Variants in DPP10 observed in about 807,000 individuals in gnomAD.
DPP10 encodes the protein dipeptidyl peptidase like 10.
DPP10 carries 33 observed loss-of-function variants against 120.9 expected under a neutral mutation model. The observed-to-expected ratio is 0.27, with a 90% CI of 0.21 to 0.37. The LOEUF (loss-of-function observed/expected upper bound fraction) is 0.37, where lower values mean the gene tolerates loss of function less well. DPP10 is among the 10% of genes least tolerant of loss of function. DPP10 has a pLI of 1.00. For missense variants in DPP10, 816 were observed against 942.8 expected, an observed-to-expected ratio of 0.87 and a Z score of 1.76; for synonymous variants, 337 against 326.1, an observed-to-expected ratio of 1.03 and a Z score of -0.36.
intron 1 of DPP10, among the ~76,000 whole-genome samples, chr2:114,859,137 G>T (rs1353397051): frequency 6.6e-6 from 1 of 151,592 alleles, no homozygotes; most frequent in Non-Finnish European, 1.5e-5. Flanking sequence ...GACCAGCCTG[G>T]CCAAGATAGC....
chr2:114,807,744 T>C (rs1684854249), intron 1 of DPP10, among the ~76,000 whole-genome samples: 1 of 152,196 alleles, frequency 6.6e-6, no homozygotes, highest in Non-Finnish European at 1.5e-5. Flanking sequence ...CACTCCTAAC[T>C]GGCACAGAAA....
intron 1 of DPP10, chr2:115,064,671 T>C: frequency 2.3e-6 from 3 of 1,292,576 alleles, no homozygotes; most frequent in Non-Finnish European, 3.1e-6. Context: ...GAAGCATGAG[T>C]GAGTGACATG....
At chr2:115,486,968 A>C (rs893419243) in intron 3 of DPP10, among the ~76,000 whole-genome samples, 2 of 152,168 alleles carry the variant, frequency 1.3e-5, no homozygotes, top group African/African-American at 2.4e-5. Flanking sequence ...ACTTACAATT[A>C]TGATGACTTT....
intron 5 of DPP10, among the ~76,000 whole-genome samples, chr2:115,652,583 G>C (rs762853486): frequency 6.6e-6 from 1 of 151,794 alleles, no homozygotes; most frequent in African/African-American, 2.4e-5. Flanking sequence ...CAGGAGAGCC[G>C]ATGGTACAGT....
chr2:114,472,022 T>C (rs891021673), intron 1 of DPP10, among the ~76,000 whole-genome samples: 2 of 152,170 alleles, frequency 1.3e-5, no homozygotes, highest in Non-Finnish European at 2.9e-5. Flanking sequence ...GGAATAACTA[T>C]TGCAATGTGG....
At chr2:115,016,900 C>A (rs1702684068) in intron 1 of DPP10, among the ~76,000 whole-genome samples, 1 of 151,998 alleles carries the variant, frequency 6.6e-6, no homozygotes. Context: ...AGTTCATGTC[C>A]TTTGTAGGGA....
intron 5 of DPP10, among the ~76,000 whole-genome samples, chr2:115,545,499 A>AT (rs1283359608): frequency 1.3e-5 from 2 of 151,978 alleles, no homozygotes; most frequent in Admixed American, 6.6e-5. Flanking sequence ...GTTTTCCAAT[A>AT]TTTTTTTCTT....
chr2:114,884,997 G>A (rs1691940754), intron 1 of DPP10, among the ~76,000 whole-genome samples: 1 of 152,224 alleles, frequency 6.6e-6, no homozygotes, highest in Non-Finnish European at 1.5e-5. Flanking sequence ...GCTACTGCTA[G>A]TATTGGGGTT....
chr2:114,706,152 C>T (rs10181433), intron 1 of DPP10, among the ~76,000 whole-genome samples: 2 of 152,150 alleles, frequency 1.3e-5, no homozygotes, highest in Non-Finnish European at 2.9e-5. Context: ...AGCTGCCTGG[C>T]CATATCTTTT....
At chr2:114,622,876 A>G (rs1694207030) in intron 1 of DPP10, among the ~76,000 whole-genome samples, 1 of 152,092 alleles carries the variant, frequency 6.6e-6, no homozygotes, top group South Asian at 2.1e-4. Context: ...TCATGCATAA[A>G]TTAACTTTTT....
intron 1 of DPP10, chr2:115,162,391 G>T: frequency 3.0e-6 from 4 of 1,313,102 alleles, no homozygotes; most frequent in Non-Finnish European, 3.0e-6. Context: ...GAAGAAATCT[G>T]CTGCGCTCCT....
chr2:115,093,261 C>G (rs1559085711), intron 1 of DPP10, among the ~76,000 whole-genome samples: 1 of 152,078 alleles, frequency 6.6e-6, no homozygotes, highest in Non-Finnish European at 1.5e-5. Context: ...AATCAGCCAA[C>G]ATGAATTCAG....
intron 5 of DPP10, among the ~76,000 whole-genome samples, chr2:115,572,296 A>T (rs992361970): frequency 2.0e-5 from 3 of 152,026 alleles, no homozygotes; most frequent in African/African-American, 7.2e-5. Context: ...CATTTTCTAA[A>T]CTTACGTCTT....
intron 1 of DPP10, among the ~76,000 whole-genome samples, chr2:114,914,389 G>A (rs765983646): frequency 2.6e-5 from 4 of 152,178 alleles, no homozygotes; most frequent in Non-Finnish European, 4.4e-5. Context: ...AACTAGAAGA[G>A]TAATGCCTAT....
intron 1 of DPP10, among the ~76,000 whole-genome samples, chr2:114,611,263 A>G (rs1693265224): frequency 6.6e-6 from 1 of 152,212 alleles, no homozygotes; most frequent in South Asian, 2.1e-4. Flanking sequence ...TAAAAAGCAG[A>G]AAAGGAAGAC....
chr2:115,708,071 A>G, intron 7 of DPP10, among the ~76,000 whole-genome samples: 1 of 152,032 alleles, frequency 6.6e-6, no homozygotes, highest in East Asian at 1.9e-4. Context: ...ATACAATGGC[A>G]TGAGATTCTA....
Position 115,495,205 on chromosome 2 carries a change from T to C in DPP10, c.272-4305T>C, listed in dbSNP as rs534327661. Among the ~76,000 whole-genome samples, 15 of 152,070 alleles carry C rather than the reference T, an allele frequency of 9.9e-5. No individual in the cohort carries two copies. In the East Asian group the frequency reaches 2.7e-3, roughly 27 times the overall value. On this transcript the variant is annotated intron_variant, in intron 3 of 25. Coordinates refer to ENST00000410059, the MANE Select transcript of DPP10 (RefSeq NM_020868.6). ...TGAGTAGATAAGACTGAACTTTCAA[T>C]GTGAGGATCTGGTTTGGTTAGGCAC...
intron 1 of DPP10, among the ~76,000 whole-genome samples, chr2:115,225,512 CGTGT>C (rs967448797): frequency 2.2e-5 from 3 of 133,502 alleles, no homozygotes; most frequent in Non-Finnish European, 4.9e-5. Context: ...TGTGTGTGTG[CGTGT>C]GTGTGTGTGT....
chr2:115,833,869 A>G (rs1258872977), intron 21 of DPP10, among the ~76,000 whole-genome samples: 1 of 152,298 alleles, frequency 6.6e-6, no homozygotes, highest in African/African-American at 2.4e-5. Context: ...ATTTCAGATA[A>G]GGGATATTCA....
Sources: gnomAD v4.1 joint callset for allele counts (sites outside exome capture counted in the v4.1 genomes callset) on GRCh38, gnomAD v4.1.1 for gene constraint, MANE v1.5 for transcripts, NCBI Gene and HGNC (gene_info 2026-07-23, HGNC 2026-07-21) for gene names.